Variants in TXNDC16 observed in about 807,000 individuals in gnomAD.
The protein encoded by TXNDC16 is thioredoxin domain containing 16, also known as thioredoxin domain-containing protein 16.
In TXNDC16, 74 loss-of-function variants were observed where a neutral mutation model predicts 85.6. The observed-to-expected ratio is 0.86, with a 90% CI of 0.72 to 1.05. The LOEUF is 1.05. Among genes scored for constraint, TXNDC16 ranks in the 50% least tolerant of loss-of-function variants. The probability of loss-of-function intolerance (pLI) is 0.00; values close to 1 mark genes in which losing one functional copy is unlikely to be tolerated. For synonymous variants in TXNDC16, 335 were observed against 326.5 expected (o/e 1.03, Z -0.28); for missense variants, 959 against 947.0 (o/e 1.01, Z -0.17).
chr14:52,502,223 G>A (rs2036675261), intron 9 of TXNDC16, among the ~76,000 whole-genome samples: 1 of 152,132 alleles, frequency 6.6e-6, no homozygotes, highest in Admixed American at 6.5e-5. Context: ...GCCTCTGCCT[G>A]AATCCTATAT....
At chr14:52,472,755 T>C (rs950652214) in intron 14 of TXNDC16, among the ~76,000 whole-genome samples, 15 of 152,034 alleles carry the variant, frequency 9.9e-5, no homozygotes, top group African/African-American at 3.1e-4. Context: ...GATATAGGAG[T>C]GAAGAAGAAA....
At chr14:52,490,494 A>G (rs1389131513) in intron 10 of TXNDC16, 43 bp from the exon 11 acceptor site, 2 of 1,419,410 alleles carry the variant, frequency 1.4e-6, no homozygotes, top group South Asian at 2.5e-5. Context: ...GCTAATCTGA[A>G]GAATAATAGT....
intron 18 of TXNDC16, among the ~76,000 whole-genome samples, chr14:52,453,411 T>C (rs2035457092): frequency 6.6e-6 from 1 of 152,172 alleles, no homozygotes; most frequent in South Asian, 2.1e-4. Context: ...ACAGCCAAGA[T>C]TTGGAAGCAA....
intron 7 of TXNDC16, among the ~76,000 whole-genome samples, chr14:52,518,079 C>CT (rs1235193632): frequency 1.2e-4 from 18 of 152,324 alleles, no homozygotes; most frequent in Admixed American, 3.3e-4. Context: ...CCTTAAAACT[C>CT]TATCTTTACC....
intron 16 of TXNDC16, among the ~76,000 whole-genome samples, chr14:52,468,277 GA>G (rs1444830730): frequency 2.6e-5 from 4 of 151,848 alleles, no homozygotes; most frequent in Non-Finnish European, 5.9e-5. Context: ...TTTTTTAAAA[GA>G]AAAAATATAC....
intron 20 of TXNDC16, among the ~76,000 whole-genome samples, chr14:52,433,133 T>A (rs1015194948): frequency 1.3e-5 from 2 of 152,140 alleles, no homozygotes; most frequent in Non-Finnish European, 2.9e-5. Flanking sequence ...ACACACTTTA[T>A]GAAAACAAGT....
chr14:52,548,741 G>T (rs2037989041), intron 1 of TXNDC16, among the ~76,000 whole-genome samples: 1 of 152,002 alleles, frequency 6.6e-6, no homozygotes, highest in African/African-American at 2.4e-5. Flanking sequence ...AATTAGCTGG[G>T]CATAGTGGCA....
chr14:52,508,003 G>A (rs890864999), intron 9 of TXNDC16, among the ~76,000 whole-genome samples: 39 of 152,328 alleles, frequency 2.6e-4, no homozygotes, highest in African/African-American at 9.4e-4. Context: ...ACATGGGCAT[G>A]GGCAAGGACT....
At chr14:52,463,482 C>CA (rs1159679162) in intron 16 of TXNDC16, among the ~76,000 whole-genome samples, 1 of 152,184 alleles carries the variant, frequency 6.6e-6, no homozygotes, top group Non-Finnish European at 1.5e-5. Context: ...GCAGCCCCCC[C>CA]AAACCAGAAT....
rs373293950 is a variant in TXNDC16 at position 52,501,534 on chromosome 14, T to A, written c.756+9706A>T. On this transcript the variant is annotated intron_variant, in intron 9 of 20. Coordinates refer to ENST00000281741, the MANE Select transcript of TXNDC16 (RefSeq NM_020784.3). ...CAACCATGATTAAACCCCAAGGGCT[T>A]GTATATAGAATAATGTCTAAGATAA... 2.3e-4 allele frequency among the ~76,000 whole-genome samples: 35 copies of A among 152,310 alleles called. 1 individual carries two copies. The highest frequency in any genetic ancestry group is 7.9e-4 in the African/African-American group (33 of 41,562).
intron 6 of TXNDC16, among the ~76,000 whole-genome samples, chr14:52,529,743 T>C (rs2140208638): frequency 8.5e-6 from 1 of 118,086 alleles, no homozygotes; most frequent in Admixed American, 9.9e-5. Context: ...TAATGCCTAT[T>C]ATATATTATA....
At chr14:52,530,182 ATATAT>A (rs1379984226) in intron 6 of TXNDC16, among the ~76,000 whole-genome samples, 3 of 86,350 alleles carry the variant, frequency 3.5e-5, no homozygotes, top group South Asian at 3.9e-4. Flanking sequence ...TTATATATAA[ATATAT>A]TATATTTATA....
chr14:52,449,853 C>T (rs1182065437), intron 18 of TXNDC16, among the ~76,000 whole-genome samples: 1 of 151,948 alleles, frequency 6.6e-6, no homozygotes, highest in African/African-American at 2.4e-5. Context: ...CCTGAATGAC[C>T]AGTGGGGTCA....
chr14:52,465,710 C>A (rs1027731768), intron 16 of TXNDC16, among the ~76,000 whole-genome samples: 2 of 151,572 alleles, frequency 1.3e-5, no homozygotes, highest in African/African-American at 4.9e-5. Context: ...CCTATGTGTA[C>A]CCTTCCTTAA....
intron 8 of TXNDC16, among the ~76,000 whole-genome samples, chr14:52,511,989 G>T (rs2036967235): frequency 6.6e-6 from 1 of 152,066 alleles, no homozygotes; most frequent in Non-Finnish European, 1.5e-5. Context: ...TGGAGATAAG[G>T]TTTGCCAAAA....
At chr14:52,545,603 A>C (rs2037925155) in intron 1 of TXNDC16, among the ~76,000 whole-genome samples, 1 of 152,216 alleles carries the variant, frequency 6.6e-6, no homozygotes, top group African/African-American at 2.4e-5. Context: ...ACATGCAGCT[A>C]GGGTGGGAAA....
At chr14:52,512,704 C>T (rs901777678) in intron 8 of TXNDC16, among the ~76,000 whole-genome samples, 2 of 152,140 alleles carry the variant, frequency 1.3e-5, no homozygotes, top group Admixed American at 1.3e-4. Flanking sequence ...GAGAATCTCA[C>T]AGAATATAAG....
intron 9 of TXNDC16, among the ~76,000 whole-genome samples, chr14:52,508,319 TCACCATCA>T (rs2036865962): frequency 6.6e-6 from 1 of 152,184 alleles, no homozygotes. Context: ...GAAAAAATGC[TCACCATCA>T]CTGGCCATCA....
chr14:52,499,527 A>ACT (rs1195373189), intron 9 of TXNDC16, among the ~76,000 whole-genome samples: 1 of 151,874 alleles, frequency 6.6e-6, no homozygotes. Flanking sequence ...ATGAGACGAT[A>ACT]CTCAACATCA....
Sources: gnomAD v4.1 joint callset for allele counts (sites outside exome capture counted in the v4.1 genomes callset) on GRCh38, gnomAD v4.1.1 for gene constraint, MANE v1.5 for transcripts, NCBI Gene and HGNC (gene_info 2026-07-23, HGNC 2026-07-21) for gene names.